Variants in DMD observed in about 807,000 individuals in gnomAD.
DMD encodes the protein dystrophin, also known as mutant dystrophin.
Under a neutral mutation model 330.1 loss-of-function variants are expected in DMD, and 63 were observed. That is an observed-to-expected ratio of 0.19 (90% CI 0.16 to 0.24). DMD has a LOEUF of 0.24. Among genes scored for constraint, DMD ranks in the 10% least tolerant of loss-of-function variants. DMD has a pLI of 1.00. For missense variants in DMD, 3,344 were observed against 2,684.1 expected (o/e 1.25, Z -5.43); for synonymous variants, 1,223 against 959.8 (o/e 1.27, Z -5.07).
chrX:33,127,860 G>T (rs1168550203), intron 1 of DMD, among the ~76,000 whole-genome samples: 1 of 111,249 alleles, frequency 9.0e-6, no homozygotes, highest in Non-Finnish European at 1.9e-5. Flanking sequence ...TGAAGACAAA[G>T]TTCATTAAAG....
Position 31,496,843 on chromosome X carries a change from T to C in DMD, c.8492A>G (p.Gln2831Arg), listed in dbSNP as rs1282423103. ...TGGAAAGTCGCCTCCAATAGGTGCC[T>C]GCCGGCTTAATTCATCATCTTTCAG... ...LQLKDDELSR[Q>R]APIGGDFPAV... is the part of the protein sequence containing the mutation. The change falls in exon 57 of 79, where the codon CAG becomes CGG. Residue 2831 changes from glutamine (Q) to arginine (R), a missense_variant. Physicochemically the swap from Gln to Arg is conservative, Grantham distance 43. Coordinates refer to ENST00000357033, the MANE Select transcript of DMD (RefSeq NM_004006.3). The C allele has an allele frequency of 8.3e-7, 1 of 1,210,795 alleles. No homozygotes were observed. The highest frequency in any genetic ancestry group is 1.1e-6 in the Non-Finnish European group (1 of 895,444).
At chrX:32,118,363 G>T (rs1036529645) in intron 44 of DMD, among the ~76,000 whole-genome samples, 3 of 111,276 alleles carry the variant, frequency 2.7e-5, no homozygotes, top group Non-Finnish European at 5.7e-5. Flanking sequence ...AGTTCAAAAG[G>T]TGACAGGGAA....
chrX:32,344,256 T>A (rs1245657483), intron 39 of DMD, among the ~76,000 whole-genome samples: 1 of 111,771 alleles, frequency 8.9e-6, no homozygotes, highest in Admixed American at 9.5e-5. Flanking sequence ...ATAATAAATA[T>A]CAGGGAATTT....
At chrX:32,654,777 G>T (rs1028062298) in intron 9 of DMD, among the ~76,000 whole-genome samples, 7 of 110,976 alleles carry the variant, frequency 6.3e-5, no homozygotes, top group African/African-American at 2.3e-4. Flanking sequence ...AATCCATCTG[G>T]TCCTGGACTT....
At position 32,468,674 on chromosome X, in the gene DMD, G is replaced by A. The variant is rs1223532204; in HGVS notation, c.2986C>T (p.Leu996=). ...QSSLQEQQSG[L]YYLSTTVKEM... Reference sequence around the variant, plus strand: ...TTCACAGTGGTGCTGAGATAGTATAGGCCACTTTGTTGCTCTTGCAGAGAA... The same window carrying A: ...TTCACAGTGGTGCTGAGATAGTATAAGCCACTTTGTTGCTCTTGCAGAGAA... Residue 996 remains leucine (L), a synonymous_variant, in exon 23 of 79, where the codon CTA becomes TTA. Transcript: ENST00000357033. 2 of 1,210,926 alleles carry A rather than the reference G, an allele frequency of 1.7e-6. No individual in the cohort carries two copies. Among genetic ancestry groups the A allele is most frequent in the South Asian group, 1.8e-5 (1 of 56,945 alleles).
intron 2 of DMD, among the ~76,000 whole-genome samples, chrX:32,913,411 A>G (rs5928111): frequency 0.48 from 52,811 of 111,073 alleles, 9,063 homozygotes; most frequent in South Asian, 0.59. Context: ...ATCAAAATTT[A>G]TACTAAGGAA....
At chrX:32,953,286 A>C (rs1278721871) in intron 2 of DMD, among the ~76,000 whole-genome samples, 2 of 111,494 alleles carry the variant, frequency 1.8e-5, no homozygotes, top group African/African-American at 6.5e-5. Context: ...CAAAATGAGC[A>C]CTGGAAGAGA....
intron 30 of DMD, among the ~76,000 whole-genome samples, chrX:32,404,173 C>T (rs1443812667): frequency 1.8e-5 from 2 of 111,798 alleles, no homozygotes; most frequent in African/African-American, 6.5e-5. Context: ...ATTGCAATTA[C>T]GAATTCTTCT....
chrX:32,287,052 T>G (rs774369983), intron 43 of DMD, among the ~76,000 whole-genome samples: 69 of 109,596 alleles, frequency 6.3e-4, no homozygotes, highest in Non-Finnish European at 1.1e-3. Context: ...CTTAACAAAT[T>G]CCCCATGGCA....
intron 48 of DMD, among the ~76,000 whole-genome samples, chrX:31,841,327 G>C (rs1430046383): frequency 8.9e-6 from 1 of 111,818 alleles, no homozygotes; most frequent in Non-Finnish European, 1.9e-5. Flanking sequence ...GCAGAGGTTT[G>C]TTCATGAGGC....
intron 4 of DMD, among the ~76,000 whole-genome samples, chrX:32,827,733 TCAC>T (rs2078841508): frequency 9.4e-6 from 1 of 106,186 alleles, no homozygotes. Context: ...CGATCTCGGC[TCAC>T]CACAACCTCC....
chrX:32,630,411 C>A (rs2058653036), intron 11 of DMD, among the ~76,000 whole-genome samples: 1 of 108,971 alleles, frequency 9.2e-6, no homozygotes, highest in Non-Finnish European at 1.9e-5. Flanking sequence ...CTGAGGTAGT[C>A]TTATTTATAT....
intron 18 of DMD, among the ~76,000 whole-genome samples, chrX:32,515,867 A>G (rs2045809703): frequency 8.9e-6 from 1 of 111,882 alleles, no homozygotes; most frequent in African/African-American, 3.2e-5. Flanking sequence ...GGTCCCCCAG[A>G]AGTCAGCTTT....
chrX:31,525,558 C>T (rs1311498697), intron 55 of DMD, among the ~76,000 whole-genome samples: 1 of 111,846 alleles, frequency 8.9e-6, no homozygotes, highest in East Asian at 2.8e-4. Context: ...CTTTAATTTA[C>T]TGATGCTGAC....
chrX:31,356,924 CTTTTT>C lies in DMD; in HGVS notation c.9085-8295_9085-8291del, dbSNP rs58097229. On this transcript the variant is annotated intron_variant, in intron 60 of 78. Coordinates refer to ENST00000357033, the MANE Select transcript of DMD (RefSeq NM_004006.3). ...AGATCATAGGAAGCATTTCTTCTGC[CTTTTT>C]TTTTTTTTTTTTTTTTGGTCTCAGA... 1.3e-3 allele frequency among the ~76,000 whole-genome samples: 99 copies of C among 74,261 alleles called. 1 individual carries two copies. Among genetic ancestry groups the C allele is most frequent in the Admixed American group, 3.1e-3 (20 of 6,371 alleles). The allele number at this position is 74,261 out of a possible 115,157, so 64.5% of individuals were successfully genotyped here.
At chrX:31,434,413 C>A (rs866918250) in intron 60 of DMD, among the ~76,000 whole-genome samples, 2 of 71,419 alleles carry the variant, frequency 2.8e-5, no homozygotes, top group Non-Finnish European at 4.9e-5. Context: ...TACTGCAGCG[C>A]GCGCGCACAC....
At chrX:32,433,793 A>G (rs750610788) in intron 29 of DMD, among the ~76,000 whole-genome samples, 1 of 112,143 alleles carries the variant, frequency 8.9e-6, no homozygotes, top group East Asian at 2.8e-4. Flanking sequence ...GTAACCAAAT[A>G]CTATTACCAA....
intron 43 of DMD, among the ~76,000 whole-genome samples, chrX:32,237,803 T>A (rs946837487): frequency 8.9e-6 from 1 of 112,142 alleles, no homozygotes; most frequent in African/African-American, 3.2e-5. Flanking sequence ...TGAATCAGCT[T>A]AGATTCCTGA....
rs2051911372 is a variant in DMD, at chrX:33,211,478, C to T, written c.-166G>A. 1 of 1,116,603 alleles carries T rather than the reference C, an allele frequency of 9.0e-7. No homozygotes were observed. Among genetic ancestry groups the T allele is most frequent in the Non-Finnish European group, 1.2e-6 (1 of 848,407 alleles). 92.0% of individuals were successfully genotyped at this position (1,116,603 alleles called of 1,213,427 possible). On this transcript the variant is annotated 5_prime_UTR_variant, in exon 1 of 79. Transcript: ENST00000357033. ...ATTCGTTTTTCTCCGAAGGTAATTG[C>T]CTCCCAGATCTGAGTCCTGTAGGGG...
Sources: allele counts gnomAD v4.1 joint callset (sites outside exome capture counted in the v4.1 genomes callset), GRCh38; gene constraint gnomAD v4.1.1; transcripts MANE v1.5; gene names NCBI Gene and HGNC (gene_info 2026-07-23, HGNC 2026-07-21).